Variants in ST6GALNAC3 observed in about 807,000 individuals in gnomAD.
The protein encoded by ST6GALNAC3 is alpha-N-acetylgalactosaminide alpha-2,6-sialyltransferase 3.
Under a neutral mutation model 32.7 loss-of-function variants are expected in ST6GALNAC3, and 25 were observed. The observed-to-expected ratio is 0.76, with a 90% confidence interval of 0.56 to 1.07. ST6GALNAC3 has a LOEUF of 1.07. Among genes scored for constraint, ST6GALNAC3 ranks in the 50% least tolerant of loss-of-function variants. ST6GALNAC3 has a pLI of 0.00. For missense variants in ST6GALNAC3, 355 were observed against 382.4 expected (o/e 0.93, Z 0.60); for synonymous variants, 129 against 133.1 (o/e 0.97, Z 0.21).
intron 1 of ST6GALNAC3, among the ~76,000 whole-genome samples, chr1:76,278,989 A>G (rs569496055): frequency 1.3e-5 from 2 of 152,292 alleles, no homozygotes; most frequent in South Asian, 4.1e-4. Context: ...TCTGTAGACA[A>G]TTATGTGGCT....
chr1:76,561,567 A>G (rs188137984), intron 3 of ST6GALNAC3, among the ~76,000 whole-genome samples: 58 of 152,310 alleles, frequency 3.8e-4, no homozygotes, highest in East Asian at 1.2e-3. Context: ...TCAAACCACA[A>G]TGAGATACCA....
chr1:76,272,760 T>C (rs1188585533), intron 1 of ST6GALNAC3, among the ~76,000 whole-genome samples: 1 of 152,268 alleles, frequency 6.6e-6, no homozygotes, highest in Non-Finnish European at 1.5e-5. Context: ...TGGGATTTAC[T>C]GATTGGCTCA....
At chr1:76,595,306 AAACAAGCCTGTTT>A (rs1205001882) in intron 3 of ST6GALNAC3, among the ~76,000 whole-genome samples, 1 of 152,146 alleles carries the variant, frequency 6.6e-6, no homozygotes, top group African/African-American at 2.4e-5. Flanking sequence ...TAACATAAGT[AAACAAGCCTGTTT>A]ACGCTAAATT....
intron 3 of ST6GALNAC3, among the ~76,000 whole-genome samples, chr1:76,516,363 C>A (rs1932259): frequency 6.6e-6 from 1 of 152,088 alleles, no homozygotes; most frequent in Non-Finnish European, 1.5e-5. Context: ...TGAGCATATG[C>A]TTTTCCTGTT....
intron 2 of ST6GALNAC3, among the ~76,000 whole-genome samples, chr1:76,371,790 C>T (rs1427047547): frequency 1.3e-5 from 2 of 152,286 alleles, no homozygotes; most frequent in East Asian, 3.9e-4. Context: ...CAAATTCAGT[C>T]TTTGATCTAC....
intron 2 of ST6GALNAC3, among the ~76,000 whole-genome samples, chr1:76,379,045 C>G (rs1324869622): frequency 3.3e-5 from 5 of 152,104 alleles, no homozygotes; most frequent in African/African-American, 1.2e-4. Flanking sequence ...CTACAGGTGC[C>G]TGCCACCACG....
At chr1:76,234,284 C>T (rs71656881) in intron 1 of ST6GALNAC3, among the ~76,000 whole-genome samples, 9 of 152,192 alleles carry the variant, frequency 5.9e-5, no homozygotes, top group Non-Finnish European at 1.3e-4. Context: ...CTCTGTCCCC[C>T]TTCTAGGATC....
intron 3 of ST6GALNAC3, among the ~76,000 whole-genome samples, chr1:76,462,752 G>A (rs1199193496): frequency 6.6e-6 from 1 of 152,150 alleles, no homozygotes; most frequent in Admixed American, 6.6e-5. Context: ...TAGAGAACAT[G>A]TAAGTATCAC....
intron 3 of ST6GALNAC3, among the ~76,000 whole-genome samples, chr1:76,454,655 T>C (rs1459755994): frequency 6.6e-6 from 1 of 152,200 alleles, no homozygotes; most frequent in Non-Finnish European, 1.5e-5. Context: ...AAATCTGTTG[T>C]TAATCTGATA....
chr1:76,140,673 G>T, intron 1 of ST6GALNAC3, among the ~76,000 whole-genome samples: 1 of 143,422 alleles, frequency 7.0e-6, no homozygotes, highest in African/African-American at 2.6e-5. Context: ...TTTCCAAGCT[G>T]GAGTACAGTG....
intron 2 of ST6GALNAC3, among the ~76,000 whole-genome samples, chr1:76,358,151 T>C (rs985696768): frequency 1.3e-5 from 2 of 152,204 alleles, no homozygotes; most frequent in African/African-American, 4.8e-5. Context: ...CTATCGAATC[T>C]TTAAATGTTA....
chr1:76,314,865 G>A (rs576785435), intron 2 of ST6GALNAC3, among the ~76,000 whole-genome samples: 3 of 152,150 alleles, frequency 2.0e-5, no homozygotes, highest in East Asian at 1.9e-4. Flanking sequence ...AGCTCCCATC[G>A]AAAGGTCATT....
At chr1:76,228,601 G>A (rs752818809) in intron 1 of ST6GALNAC3, among the ~76,000 whole-genome samples, 4 of 152,088 alleles carry the variant, frequency 2.6e-5, no homozygotes, top group African/African-American at 7.2e-5. Context: ...GGTAGGAAGC[G>A]GGTCTCAGAG....
At chr1:76,349,285 C>G (rs185552228) in intron 2 of ST6GALNAC3, among the ~76,000 whole-genome samples, 1 of 152,254 alleles carries the variant, frequency 6.6e-6, no homozygotes, top group East Asian at 1.9e-4. Context: ...CTGTTGAACA[C>G]CAGACTTGTT....
At chr1:76,420,144 C>T (rs901812667) in intron 3 of ST6GALNAC3, among the ~76,000 whole-genome samples, 1 of 152,010 alleles carries the variant, frequency 6.6e-6, no homozygotes, top group Non-Finnish European at 1.5e-5. Context: ...ATCAAGCCAC[C>T]TGCTGACCCA....
At chr1:76,407,475 G>T (rs1653914703) in intron 2 of ST6GALNAC3, among the ~76,000 whole-genome samples, 2 of 152,100 alleles carry the variant, frequency 1.3e-5, no homozygotes, top group East Asian at 1.9e-4. Flanking sequence ...CAATATTTTA[G>T]ACCTTAAATA....
chr1:76,088,725 A>C (rs984626514), intron 1 of ST6GALNAC3, among the ~76,000 whole-genome samples: 6 of 152,262 alleles, frequency 3.9e-5, no homozygotes, highest in Admixed American at 3.9e-4. Context: ...AACTAAAAGG[A>C]TCACAAAAAA....
At chr1:76,627,349 AT>A (rs1649030722) in intron 3 of ST6GALNAC3, 102 bp from the exon 4 acceptor site, 1 of 738,840 alleles carries the variant, frequency 1.4e-6, no homozygotes, top group African/African-American at 1.8e-5. Context: ...AACAAGTGCT[AT>A]GTTTTTGATG....
At chr1:76,484,620 G>A (rs1659972329) in intron 3 of ST6GALNAC3, among the ~76,000 whole-genome samples, 1 of 152,136 alleles carries the variant, frequency 6.6e-6, no homozygotes, top group Admixed American at 6.5e-5. Context: ...AGGAGATTTT[G>A]GGCTGAGACA....
Sources: allele counts gnomAD v4.1 joint callset (sites outside exome capture counted in the v4.1 genomes callset), GRCh38; gene constraint gnomAD v4.1.1; transcripts MANE v1.5; gene names NCBI Gene and HGNC (gene_info 2026-07-23, HGNC 2026-07-21).